Variants in FNBP1L observed in about 807,000 individuals in gnomAD.
FNBP1L encodes formin binding protein 1 like.
In FNBP1L, 36 loss-of-function variants were observed where a neutral mutation model predicts 91.2. That is an observed-to-expected ratio of 0.39 (90% CI 0.30 to 0.52). The LOEUF is 0.52. Among genes scored for constraint, FNBP1L ranks in the 20% least tolerant of loss-of-function variants. The probability of loss-of-function intolerance (pLI) is 0.66; values close to 1 mark genes in which losing one functional copy is unlikely to be tolerated. For synonymous variants in FNBP1L, 242 were observed against 237.0 expected, an observed-to-expected ratio of 1.02 and a Z score of -0.19; for missense variants, 571 against 732.1, an observed-to-expected ratio of 0.78 and a Z score of 2.54.
intron 2 of FNBP1L, among the ~76,000 whole-genome samples, chr1:93,504,692 T>G (rs192559213): frequency 1.7e-4 from 26 of 152,348 alleles, no homozygotes; most frequent in African/African-American, 6.3e-4. Context: ...TGAGTTGTTA[T>G]CTCCCTGTGG....
chr1:93,501,075 G>A (rs895117766), intron 2 of FNBP1L, among the ~76,000 whole-genome samples: 2 of 151,962 alleles, frequency 1.3e-5, no homozygotes, highest in African/African-American at 2.4e-5. Flanking sequence ...TTCTTGTGTG[G>A]CAAATAAAAA....
intron 1 of FNBP1L, among the ~76,000 whole-genome samples, chr1:93,470,600 C>T (rs937867962): frequency 1.3e-5 from 2 of 151,696 alleles, no homozygotes; most frequent in African/African-American, 2.4e-5. Context: ...GGGCCAGGCA[C>T]GGTGGCTCAG....
chr1:93,507,611 C>T (rs116511633), intron 2 of FNBP1L, among the ~76,000 whole-genome samples: 2,006 of 148,148 alleles, frequency 0.014, 24 homozygotes, highest in Middle Eastern at 0.022. Context: ...TCAGCTGCTT[C>T]GGAAGAATAA....
chr1:93,516,882 A>G (rs148793691), intron 2 of FNBP1L, among the ~76,000 whole-genome samples: 4 of 152,324 alleles, frequency 2.6e-5, no homozygotes, highest in African/African-American at 9.6e-5. Context: ...TGTGCCTGTC[A>G]TAACCACACC....
chr1:93,500,113 A>G (rs1283798190), intron 2 of FNBP1L, among the ~76,000 whole-genome samples: 1 of 152,214 alleles, frequency 6.6e-6, no homozygotes, highest in Non-Finnish European at 1.5e-5. Context: ...GACTTTGTTG[A>G]CAAGTAGTTG....
At chr1:93,517,137 G>A (rs991431251) in intron 2 of FNBP1L, among the ~76,000 whole-genome samples, 18 of 149,946 alleles carry the variant, frequency 1.2e-4, no homozygotes, top group African/African-American at 4.2e-4. Context: ...TCCGCTTTCC[G>A]GATTCAAGCA....
At position 93,499,489 on chromosome 1, in the gene FNBP1L, A is replaced by G. The variant is rs778035793; in HGVS notation, c.46A>G (p.Lys16Glu). 6.3e-7 allele frequency: 1 copy of G among 1,597,700 alleles called. No homozygotes were observed. The highest frequency in any genetic ancestry group is 8.5e-7 in the Non-Finnish European group (1 of 1,173,324). ...CCAGGATCAGTTCGACAGCTTAGACAAGCATACACAATGGGGAATTGACTT... is the reference window on the plus strand; with the variant it reads ...CCAGGATCAGTTCGACAGCTTAGACGAGCATACACAATGGGGAATTGACTT... ...ELWDQFDSLD[K>E]HTQWGIDFLE... The change falls in exon 2 of 17, where the codon AAG (lysine) becomes GAG (glutamate). Residue 16 changes from lysine to glutamate, a missense_variant. Physicochemically the swap from Lys to Glu is moderately conservative, Grantham distance 56. This residue lies in a region of FNBP1L where 220 missense variants were observed against 313.6 expected (regional missense o/e 0.70). Coordinates refer to ENST00000271234, the MANE Select transcript of FNBP1L (RefSeq NM_001164473.3).
intron 1 of FNBP1L, among the ~76,000 whole-genome samples, chr1:93,490,501 A>G (rs1274560069): frequency 6.6e-6 from 1 of 152,206 alleles, no homozygotes; most frequent in African/African-American, 2.4e-5. Context: ...ACAGAGATTC[A>G]TTTCACACAA....
chr1:93,523,426 A>C lies in FNBP1L; in HGVS notation c.277A>C (p.Met93Leu). Residue 93 changes from methionine to leucine, a missense_variant, in exon 4 of 17, where the codon ATG (methionine) becomes CTG (leucine). This residue lies in a region of FNBP1L where 220 missense variants were observed against 313.6 expected (regional missense o/e 0.70). Transcript: ENST00000271234. ...ACAGCGAGAAGTTGTAGCAGAAGAAATGGCGCACAGAGTGTATGGTGAATT... is the reference window on the plus strand; with the variant it reads ...ACAGCGAGAAGTTGTAGCAGAAGAACTGGCGCACAGAGTGTATGGTGAATT... ...AGQREVVAEE[M>L]AHRVYGELMR... is the part of the protein sequence containing the mutation. 1.2e-6 allele frequency: 2 copies of C among 1,610,770 alleles called. No homozygotes were observed. The highest frequency in any genetic ancestry group is 1.7e-6 in the Non-Finnish European group (2 of 1,178,332).
chr1:93,494,846 C>T (rs1670210308), intron 1 of FNBP1L, among the ~76,000 whole-genome samples: 1 of 152,140 alleles, frequency 6.6e-6, no homozygotes, highest in South Asian at 2.1e-4. Context: ...GGAGCAAAGT[C>T]ACGTCTTACA....
intron 2 of FNBP1L, among the ~76,000 whole-genome samples, chr1:93,512,724 C>T (rs911178042): frequency 2.7e-4 from 41 of 151,536 alleles, no homozygotes; most frequent in Middle Eastern, 3.4e-3. Flanking sequence ...TTGAAACCAA[C>T]GAGAACAAAG....
At chr1:93,479,940 C>T (rs955881579) in intron 1 of FNBP1L, among the ~76,000 whole-genome samples, 2 of 152,098 alleles carry the variant, frequency 1.3e-5, no homozygotes, top group African/African-American at 4.8e-5. Context: ...GTAAGACAGG[C>T]ATAAGAAATT....
intron 1 of FNBP1L, among the ~76,000 whole-genome samples, chr1:93,464,389 T>A (rs1834584): frequency 1.3e-5 from 2 of 152,192 alleles, no homozygotes; most frequent in Non-Finnish European, 2.9e-5. Context: ...AACACAATAT[T>A]TGTATTCTGA....
At chr1:93,505,941 T>A (rs1670595121) in intron 2 of FNBP1L, among the ~76,000 whole-genome samples, 1 of 152,200 alleles carries the variant, frequency 6.6e-6, no homozygotes, top group South Asian at 2.1e-4. Context: ...CCTCCCAAAG[T>A]GCTGGGATTA....
At chr1:93,458,918 T>C (rs1321794101) in intron 1 of FNBP1L, among the ~76,000 whole-genome samples, 2 of 152,176 alleles carry the variant, frequency 1.3e-5, no homozygotes, top group Non-Finnish European at 2.9e-5. Flanking sequence ...GGAAAAACAG[T>C]ATAGACCCAT....
intron 2 of FNBP1L, among the ~76,000 whole-genome samples, chr1:93,515,296 A>G (rs913279408): frequency 6.6e-6 from 1 of 151,588 alleles, no homozygotes; most frequent in Non-Finnish European, 1.5e-5. Context: ...GAGAAATAGG[A>G]ACACTTTTAC....
chr1:93,535,918 A>G (rs759998541), intron 9 of FNBP1L, among the ~76,000 whole-genome samples: 29 of 152,024 alleles, frequency 1.9e-4, no homozygotes, highest in Non-Finnish European at 3.8e-4. Context: ...GGTAATAATC[A>G]GTTACAGTTT....
chr1:93,522,456 C>T (rs1671361266), intron 3 of FNBP1L, among the ~76,000 whole-genome samples: 1 of 152,086 alleles, frequency 6.6e-6, no homozygotes, highest in African/African-American at 2.4e-5. Flanking sequence ...TTCGTAGATT[C>T]TTGCTTTTAC....
intron 2 of FNBP1L, 112 bp from the exon 3 acceptor site, chr1:93,521,970 A>C: frequency 1.9e-6 from 1 of 518,264 alleles, no homozygotes; most frequent in South Asian, 4.4e-5. Context: ...TTGCTGTCTT[A>C]ATTGTTTTAT....
Sources: allele counts gnomAD v4.1 joint callset (sites outside exome capture counted in the v4.1 genomes callset), GRCh38; gene constraint gnomAD v4.1.1; regional missense constraint gnomAD v4.1.1; transcripts MANE v1.5; gene names NCBI Gene and HGNC (gene_info 2026-07-23, HGNC 2026-07-21).